Variants in GNA14 observed in about 807,000 individuals in gnomAD.
The protein encoded by GNA14 is guanine nucleotide-binding protein subunit alpha-14.
In GNA14, 50 loss-of-function variants were observed where a neutral mutation model predicts 42.0. The observed-to-expected ratio is 1.19, with a 90% CI of 0.95 to 1.51. The LOEUF (loss-of-function observed/expected upper bound fraction) is 1.51, where lower values mean the gene tolerates loss of function less well. GNA14 is among the 40% of genes most tolerant of loss of function. The pLI, the probability that GNA14 is intolerant of heterozygous loss-of-function variation, is 0.00. For synonymous variants in GNA14, 173 were observed against 163.1 expected, an observed-to-expected ratio of 1.06 and a Z score of -0.46; for missense variants, 473 against 446.2, an observed-to-expected ratio of 1.06 and a Z score of -0.54.
chr9:77,640,090 G>A (rs982665457), intron 1 of GNA14, among the ~76,000 whole-genome samples: 1 of 152,222 alleles, frequency 6.6e-6, no homozygotes, highest in African/African-American at 2.4e-5. Flanking sequence ...AGTGCACCCT[G>A]ATGCCACAAC....
At chr9:77,609,642 A>AGC (rs1823698692) in intron 1 of GNA14, among the ~76,000 whole-genome samples, 1 of 152,216 alleles carries the variant, frequency 6.6e-6, no homozygotes, top group African/African-American at 2.4e-5. Flanking sequence ...TGAGAAGTCC[A>AGC]AGATCAAGGT....
At chr9:77,582,006 T>A (rs1823232456) in intron 1 of GNA14, among the ~76,000 whole-genome samples, 1 of 152,216 alleles carries the variant, frequency 6.6e-6, no homozygotes, top group African/African-American at 2.4e-5. Context: ...TCAATCCAGC[T>A]CCCTGAAGCT....
Position 77,444,103 on chromosome 9 carries a change from T to C in GNA14, c.310-9581A>G, listed in dbSNP as rs553406807. 3.3e-5 allele frequency among the ~76,000 whole-genome samples: 5 copies of C among 152,356 alleles called. No homozygotes were observed. The East Asian group carries it at 9.6e-4, about 29-fold the overall frequency. Reference sequence around the variant, plus strand: ...TAATGCAGTTGAGAGATGGTATGTGTGGCCTTGCACCGTGCTGGCTTAGCT... The same window carrying C: ...TAATGCAGTTGAGAGATGGTATGTGCGGCCTTGCACCGTGCTGGCTTAGCT... On this transcript the variant is annotated intron_variant, in intron 2 of 6. Transcript: ENST00000341700.
At chr9:77,619,845 T>C (rs1823893674) in intron 1 of GNA14, among the ~76,000 whole-genome samples, 1 of 152,198 alleles carries the variant, frequency 6.6e-6, no homozygotes, top group African/African-American at 2.4e-5. Context: ...TGAGCCATTT[T>C]TATGCTACTA....
chr9:77,582,602 T>A (rs1234766530), intron 1 of GNA14, among the ~76,000 whole-genome samples: 1 of 152,196 alleles, frequency 6.6e-6, no homozygotes, highest in Non-Finnish European at 1.5e-5. Flanking sequence ...GTCCACCAGA[T>A]AAATATTTCT....
At chr9:77,472,471 G>C (rs1183274094) in intron 2 of GNA14, among the ~76,000 whole-genome samples, 1 of 152,232 alleles carries the variant, frequency 6.6e-6, no homozygotes, top group Non-Finnish European at 1.5e-5. Flanking sequence ...GAGAAAAAGG[G>C]AAGAATTAAA....
At chr9:77,610,494 T>C (rs1040619420) in intron 1 of GNA14, among the ~76,000 whole-genome samples, 8 of 152,172 alleles carry the variant, frequency 5.3e-5, no homozygotes, top group African/African-American at 9.7e-5. Context: ...ACTAATTCCA[T>C]TGGACCATGG....
intron 1 of GNA14, among the ~76,000 whole-genome samples, chr9:77,594,619 G>A (rs1206075902): frequency 2.0e-5 from 3 of 152,142 alleles, no homozygotes; most frequent in Non-Finnish European, 4.4e-5. Context: ...TTGTGAAAGG[G>A]GCCCCACGCT....
chr9:77,447,347 A>G (rs1217598181), intron 2 of GNA14, among the ~76,000 whole-genome samples: 1 of 152,110 alleles, frequency 6.6e-6, no homozygotes, highest in Non-Finnish European at 1.5e-5. Flanking sequence ...TCAGACCCAA[A>G]CTACAGTACT....
chr9:77,469,365 TAAA>T (rs10537760), intron 2 of GNA14, among the ~76,000 whole-genome samples: 8,620 of 116,942 alleles, frequency 0.074, 754 homozygotes, highest in African/African-American at 0.23. Context: ...TAAACTGTGT[TAAA>T]AAAAAAAAAA....
rs562767046 is a variant in GNA14 at position 77,580,547 on chromosome 9, A to G, written c.125-51294T>C. Reference sequence around the variant, plus strand: ...GAAGACCCCATCATCGGGTTCCACCAGATGTTCCTATTAAAGAATATCAGT... The same window carrying G: ...GAAGACCCCATCATCGGGTTCCACCGGATGTTCCTATTAAAGAATATCAGT... On this transcript the variant is annotated intron_variant, in intron 1 of 6. Coordinates refer to ENST00000341700, the MANE Select transcript of GNA14 (RefSeq NM_004297.4). The G allele has an allele frequency of 8.2e-6, 4 of 490,578 alleles. No homozygotes were observed. In the East Asian group the frequency reaches 2.0e-4, roughly 24 times the overall value. 30.4% of individuals were successfully genotyped at this position (490,578 alleles called of 1,614,324 possible). A position where few individuals can be genotyped will look rare whatever the true frequency, so the allele number is the denominator to read the frequency against.
At chr9:77,557,092 T>C (rs1822797006) in intron 1 of GNA14, among the ~76,000 whole-genome samples, 1 of 152,012 alleles carries the variant, frequency 6.6e-6, no homozygotes, top group Admixed American at 6.6e-5. Context: ...ATGGCCAAAA[T>C]AAGAACAAAC....
rs182700979 is a variant in GNA14 at position 77,536,500 on chromosome 9, G to A, written c.125-7247C>T. On this transcript the variant is annotated intron_variant, in intron 1 of 6. Transcript: ENST00000341700. ...CAAGCAGCTGGGATTACAAGCATGC[G>A]CCACCACACCTGGCTAATTTTTGTA... Among the ~76,000 whole-genome samples the A allele has an allele frequency of 6.6e-4, 101 of 152,138 alleles. No homozygotes were observed. In the East Asian group the frequency reaches 0.017, roughly 26 times the overall value.
intron 2 of GNA14, among the ~76,000 whole-genome samples, chr9:77,523,734 G>A (rs185472172): frequency 6.6e-6 from 1 of 152,266 alleles, no homozygotes; most frequent in Admixed American, 6.5e-5. Flanking sequence ...AAGGAGCTAG[G>A]GTCAGCTGTG....
intron 1 of GNA14, among the ~76,000 whole-genome samples, chr9:77,632,333 G>A (rs1369646528): frequency 1.3e-5 from 2 of 152,164 alleles, no homozygotes; most frequent in African/African-American, 4.8e-5. Context: ...CAGGAGGTGG[G>A]TCCCTAGTGA....
chr9:77,483,786 T>C (rs1249268505), intron 2 of GNA14, among the ~76,000 whole-genome samples: 1 of 152,094 alleles, frequency 6.6e-6, no homozygotes, highest in African/African-American at 2.4e-5. Context: ...GCATAATGAA[T>C]GGGAAATAAC....
At chr9:77,475,011 C>T (rs1490346306) in intron 2 of GNA14, among the ~76,000 whole-genome samples, 3 of 139,894 alleles carry the variant, frequency 2.1e-5, no homozygotes, top group Non-Finnish European at 4.5e-5. Context: ...GAAATAGGAG[C>T]ATGATGGCTT....
rs528580168 is a variant in GNA14 at position 77,426,943 on chromosome 9, C to T, written c.724-1228G>A. On this transcript the variant is annotated intron_variant, in intron 5 of 6. Transcript: ENST00000341700. ...CTCTTTCCCCACAACTTCCAGACAC[C>T]CAGGTTTGTTCTGCCACTCAGTACG... Among the ~76,000 whole-genome samples, 17 of 152,224 alleles carry T rather than the reference C, an allele frequency of 1.1e-4. No individual in the cohort carries two copies. In the East Asian group the frequency reaches 3.1e-3, roughly 28 times the overall value.
chr9:77,447,589 T>C (rs1835842629), intron 2 of GNA14, among the ~76,000 whole-genome samples: 1 of 152,172 alleles, frequency 6.6e-6, no homozygotes, highest in Non-Finnish European at 1.5e-5. Context: ...AGGTGTATTT[T>C]ACAACCCTTC....
Sources: gnomAD v4.1 joint callset for allele counts (sites outside exome capture counted in the v4.1 genomes callset) on GRCh38, gnomAD v4.1.1 for gene constraint, MANE v1.5 for transcripts, NCBI Gene and HGNC (gene_info 2026-07-23, HGNC 2026-07-21) for gene names.